Variants in EPS15L1 observed in about 807,000 individuals in gnomAD.
EPS15L1 encodes epidermal growth factor receptor substrate 15-like 1.
In EPS15L1, 43 loss-of-function variants were observed where a neutral mutation model predicts 117.1. That is an observed-to-expected ratio of 0.37 (90% CI 0.29 to 0.47). The LOEUF (loss-of-function observed/expected upper bound fraction) is 0.47, where lower values mean the gene tolerates loss of function less well. Ranked by LOEUF, EPS15L1 falls within the 20% of genes least tolerant of loss-of-function variation. The pLI is 0.99. For missense variants in EPS15L1, 981 were observed against 1,164.0 expected (o/e 0.84, Z 2.29); for synonymous variants, 459 against 470.5 (o/e 0.98, Z 0.32).
At chr19:16,384,657 C>T (rs2092400148) in intron 21 of EPS15L1, among the ~76,000 whole-genome samples, 1 of 152,184 alleles carries the variant, frequency 6.6e-6, no homozygotes, top group Non-Finnish European at 1.5e-5. Flanking sequence ...TCACTCCTCA[C>T]CTGTGGATCT....
intron 16 of EPS15L1, 146 bp from the exon 17 acceptor site, chr19:16,395,613 G>T: frequency 1.2e-6 from 1 of 858,542 alleles, no homozygotes; most frequent in Non-Finnish European, 1.8e-6. Flanking sequence ...GGCTGGCCTG[G>T]GCAACATAGC....
At chr19:16,384,361 A>G (rs2092396480) in intron 21 of EPS15L1, 1 of 152,144 alleles carries the variant, frequency 6.6e-6, no homozygotes, top group Non-Finnish European at 1.5e-5. Flanking sequence ...TGTCCTTCCC[A>G]CTCACCACAG....
In EPS15L1 at chr19:16,471,852, C is replaced by A; in HGVS notation, c.33+61G>T. 1 of 1,083,572 alleles carries A rather than the reference C, an allele frequency of 9.2e-7. No homozygotes were observed. Among genetic ancestry groups the A allele is most frequent in the African/African-American group, 1.7e-5 (1 of 60,028 alleles). The allele number at this position is 1,083,572 out of a possible 1,614,324, so 67.1% of individuals were successfully genotyped here. On this transcript the variant is annotated intron_variant, in intron 1 of 23. Coordinates refer to ENST00000455140, the MANE Select transcript of EPS15L1 (RefSeq NM_001258374.3). This position sits in a 1 kb window ranked among gnomAD's most constrained non-coding sequence, Gnocchi z 4.8. ...TGAGTCTCCCAGCGCCTCAGCCTCG[C>A]CGCACCGCTCGCCTCGCGCCCCGCA... is the stretch of plus-strand genomic sequence containing the variant.
intron 22 of EPS15L1, among the ~76,000 whole-genome samples, chr19:16,375,282 G>A (rs181239038): frequency 1.3e-5 from 2 of 152,350 alleles, no homozygotes; most frequent in African/African-American, 4.8e-5. Context: ...GTGTGTTCAT[G>A]TGCAAACAGG....
chr19:16,447,179 C>A (rs2093091936), intron 1 of EPS15L1, among the ~76,000 whole-genome samples: 1 of 152,116 alleles, frequency 6.6e-6, no homozygotes, highest in Admixed American at 6.5e-5. Context: ...CGGGGCAGAA[C>A]TGGGACTTGA....
chr19:16,369,676 A>AGTGTGTGTGTGTGTGTGTGTGT lies in EPS15L1; in HGVS notation c.2380+7424_2380+7445dup, dbSNP rs10543332. 7.1e-3 allele frequency among the ~76,000 whole-genome samples: 1,030 copies of AGTGTGTGTGTGTGTGTGTGTGT among 146,098 alleles called. 5 individuals carry two copies. The highest frequency in any genetic ancestry group is 0.011 in the Middle Eastern group (3 of 284). On this transcript the variant is annotated intron_variant, in intron 22 of 23. Coordinates refer to ENST00000455140, the MANE Select transcript of EPS15L1 (RefSeq NM_001258374.3). ...CTGCACCAGCCCTGGAAGAAAAAAA[A>AGTGTGTGTGTGTGTGTGTGTGT]GTGTGTGTGTGTGTGTGTGTGTGTG...
intron 1 of EPS15L1, among the ~76,000 whole-genome samples, chr19:16,464,270 A>G (rs1185837407): frequency 1.3e-5 from 2 of 152,198 alleles, no homozygotes; most frequent in Non-Finnish European, 2.9e-5. Context: ...ACTCCTATGA[A>G]GGGAAAAGCC....
intron 8 of EPS15L1, among the ~76,000 whole-genome samples, chr19:16,427,256 G>T (rs2092881658): frequency 6.6e-6 from 1 of 152,174 alleles, no homozygotes; most frequent in Non-Finnish European, 1.5e-5. Context: ...CTGCACTGGA[G>T]CTGGGGTGAC....
Position 16,471,952 on chromosome 19 carries a change from G to C in EPS15L1, c.-7C>G, listed in dbSNP as rs1342264463. On this transcript the variant is annotated 5_prime_UTR_variant, in exon 1 of 24. Coordinates refer to ENST00000455140, the MANE Select transcript of EPS15L1 (RefSeq NM_001258374.3). The surrounding 1 kb of genome is among the most constrained non-coding windows in gnomAD (Gnocchi z 4.8). ...GGATGAGCGGCGCCGCCATCTTCCCGCGGACTCGGGCTCCGAGCGCCGGGG... is the reference window on the plus strand; with the variant it reads ...GGATGAGCGGCGCCGCCATCTTCCCCCGGACTCGGGCTCCGAGCGCCGGGG... 7.8e-7 allele frequency: 1 copy of C among 1,285,810 alleles called. No homozygotes were observed. Among genetic ancestry groups the C allele is most frequent in the Non-Finnish European group, 9.8e-7 (1 of 1,017,344 alleles). 79.7% of individuals were successfully genotyped at this position (1,285,810 alleles called of 1,614,324 possible).
At chr19:16,393,603 C>G in intron 18 of EPS15L1, among the ~76,000 whole-genome samples, 1 of 148,260 alleles carries the variant, frequency 6.7e-6, no homozygotes, top group Non-Finnish European at 1.5e-5. Flanking sequence ...GAGCCGAGAT[C>G]GCGCCACTGC....
At chr19:16,392,189 C>T (rs2144772470) in intron 19 of EPS15L1, 115 bp downstream of exon 19, 1 of 1,189,406 alleles carries the variant, frequency 8.4e-7, no homozygotes, top group Non-Finnish European at 1.2e-6. Flanking sequence ...CACCATGGCC[C>T]ACACTCGCAG....
intron 20 of EPS15L1, 62 bp downstream of exon 20, chr19:16,386,109 G>T: frequency 1.6e-6 from 2 of 1,283,794 alleles, no homozygotes; most frequent in South Asian, 1.2e-5. Context: ...AGTGTTAACT[G>T]CGGGGGAGCT....
In EPS15L1 at chr19:16,425,180, G is replaced by A; in HGVS notation, c.695C>T (p.Pro232Leu). 1.2e-6 allele frequency: 2 copies of A among 1,613,508 alleles called. No homozygotes were observed. The highest frequency in any genetic ancestry group is 8.5e-7 in the Non-Finnish European group (1 of 1,179,554). Residue 232 changes from proline to leucine, a missense_variant, in exon 9 of 24, where the codon CCA (proline) becomes CTA (leucine). Transcript: ENST00000455140. ...AVPVLPASPP[P>L]KDSLRSTPSH... Reference sequence around the variant, plus strand: ...CGGCGTGGAGCGGAGGCTGTCTTTTGGTGGGGGGCTGGCAGGCAGGACGGG... The same window carrying A: ...CGGCGTGGAGCGGAGGCTGTCTTTTAGTGGGGGGCTGGCAGGCAGGACGGG...
chr19:16,385,351 T>C, intron 20 of EPS15L1, 140 bp from the exon 21 acceptor site: 2 of 700,802 alleles, frequency 2.9e-6, no homozygotes, highest in Non-Finnish European at 4.9e-6. Flanking sequence ...TGTGTCTGCA[T>C]GAAGGCCTCT....
In EPS15L1 at chr19:16,355,807, G is replaced by A. The variant is rs536140146; in HGVS notation, c.2631C>T (p.Ser877=). ...EQQLAWAKRE[S]EKAEQERLAR... ...CCAGCCTCTCCTGTTCCGCCTTCTC[G>A]CTCTCCCGCTTGGCCCACGCCAGCT... The change falls in exon 24 of 24, where the codon AGC becomes AGT. Residue 877 remains serine, a synonymous_variant. Transcript: ENST00000455140. The A allele has an allele frequency of 5.9e-6, 9 of 1,535,984 alleles. No homozygotes were observed. Among genetic ancestry groups the A allele is most frequent in the South Asian group, 2.4e-5 (2 of 84,054 alleles).
intron 19 of EPS15L1, among the ~76,000 whole-genome samples, chr19:16,391,746 T>G (rs1309408927): frequency 2.0e-5 from 3 of 150,622 alleles, no homozygotes; most frequent in East Asian, 1.9e-4. Flanking sequence ...TATGCTGGAG[T>G]TGGAAACTGG....
intron 18 of EPS15L1, among the ~76,000 whole-genome samples, chr19:16,393,295 T>C (rs2092500671): frequency 6.6e-6 from 1 of 151,870 alleles, no homozygotes; most frequent in African/African-American, 2.4e-5. Context: ...GTGTGCTCAA[T>C]ACCACTGAAT....
At chr19:16,387,824 AAG>A (rs2092436245) in intron 19 of EPS15L1, among the ~76,000 whole-genome samples, 1 of 152,228 alleles carries the variant, frequency 6.6e-6, no homozygotes, top group Non-Finnish European at 1.5e-5. Context: ...GAATAAAAGA[AAG>A]AGTAAGTGAA....
chr19:16,441,775 G>A (rs748463326), intron 3 of EPS15L1, 117 bp downstream of exon 3: 2 of 741,116 alleles, frequency 2.7e-6, no homozygotes, highest in Admixed American at 2.5e-5. Flanking sequence ...GCAGCGACCA[G>A]GCCACTACCC....
Sources: gnomAD v4.1 joint callset for allele counts (sites outside exome capture counted in the v4.1 genomes callset) on GRCh38, gnomAD v4.1.1 for gene constraint, Gnocchi (gnomAD v3.1) non-coding constraint, MANE v1.5 for transcripts, NCBI Gene and HGNC (gene_info 2026-07-23, HGNC 2026-07-21) for gene names.